CHRNA7: variants seen among roughly 807,000 people sequenced by gnomAD.
CHRNA7 encodes the protein neuronal acetylcholine receptor subunit alpha-7.
Under a neutral mutation model 48.0 loss-of-function variants are expected in CHRNA7, and 17 were observed. The observed-to-expected ratio is 0.35, with a 90% CI of 0.24 to 0.53. The LOEUF (loss-of-function observed/expected upper bound fraction) is 0.53. CHRNA7 is among the 20% of genes least tolerant of loss of function. The pLI is 0.92. For missense variants in CHRNA7, 155 were observed against 577.7 expected (o/e 0.27, Z 7.50); for synonymous variants, 75 against 242.3 (o/e 0.31, Z 6.41).
At chr15:32,067,289 A>G (rs1284348603) in intron 2 of CHRNA7, among the ~76,000 whole-genome samples, 1 of 152,256 alleles carries the variant, frequency 6.6e-6, no homozygotes, top group Non-Finnish European at 1.5e-5. Flanking sequence ...GAACCAACTC[A>G]TCACATGCAA....
chr15:32,035,505 C>T (rs572825888), intron 2 of CHRNA7, among the ~76,000 whole-genome samples: 78 of 152,210 alleles, frequency 5.1e-4, no homozygotes, highest in African/African-American at 1.8e-3. Flanking sequence ...GTCACAAGAC[C>T]GTAGAACTAA....
intron 4 of CHRNA7, among the ~76,000 whole-genome samples, chr15:32,114,238 A>C (rs912372839): frequency 3.6e-4 from 55 of 151,712 alleles, no homozygotes; most frequent in African/African-American, 1.3e-3. Context: ...TATATGGCCT[A>C]TGTGTAGGAT....
chr15:32,075,062 A>G (rs2050116661), intron 2 of CHRNA7, among the ~76,000 whole-genome samples: 1 of 152,226 alleles, frequency 6.6e-6, no homozygotes, highest in Non-Finnish European at 1.5e-5. Flanking sequence ...AAATCCCTGG[A>G]ATAAACCCTG....
chr15:32,114,119 T>C (rs12899087), intron 4 of CHRNA7, among the ~76,000 whole-genome samples: 1 of 140,460 alleles, frequency 7.1e-6, no homozygotes, highest in Non-Finnish European at 1.5e-5. Context: ...CACACATACA[T>C]ACATATACAT....
chr15:32,050,929 TG>T (rs2141187434), intron 2 of CHRNA7, among the ~76,000 whole-genome samples: 1 of 152,338 alleles, frequency 6.6e-6, no homozygotes, highest in African/African-American at 2.4e-5. Context: ...CCTGTTTGCC[TG>T]GGTATCAGCA....
At chr15:32,075,606 G>A (rs994686079) in intron 2 of CHRNA7, among the ~76,000 whole-genome samples, 6 of 151,632 alleles carry the variant, frequency 4.0e-5, no homozygotes, top group African/African-American at 9.7e-5. Context: ...TATTAGTCTC[G>A]CTAAAGGTTT....
intron 4 of CHRNA7, among the ~76,000 whole-genome samples, chr15:32,127,688 A>G (rs2051092167): frequency 6.6e-6 from 1 of 152,094 alleles, no homozygotes; most frequent in South Asian, 2.1e-4. Flanking sequence ...CTTGAGATTT[A>G]AGAGTTCTTT....
intron 4 of CHRNA7, among the ~76,000 whole-genome samples, chr15:32,148,479 G>A (rs2051539996): frequency 6.6e-6 from 1 of 152,226 alleles, no homozygotes; most frequent in African/African-American, 2.4e-5. Flanking sequence ...GCAAGGCTGA[G>A]CCTAGGATCA....
At chr15:32,110,917 T>C (rs2050752409) in intron 3 of CHRNA7, among the ~76,000 whole-genome samples, 2 of 152,110 alleles carry the variant, frequency 1.3e-5, no homozygotes, top group Admixed American at 6.5e-5. Flanking sequence ...GCATGGGTGG[T>C]ACCAGGGGGA....
intron 4 of CHRNA7, among the ~76,000 whole-genome samples, chr15:32,118,080 C>T (rs1262245631): frequency 6.6e-6 from 1 of 152,106 alleles, no homozygotes; most frequent in African/African-American, 2.4e-5. Context: ...TTAATCTATT[C>T]ATGGATTAAT....
At chr15:32,069,536 CCT>C (rs1451398209) in intron 2 of CHRNA7, among the ~76,000 whole-genome samples, 1 of 151,692 alleles carries the variant, frequency 6.6e-6, no homozygotes, top group Admixed American at 6.6e-5. Flanking sequence ...AGTCCCAACT[CCT>C]CAGGAGGCTG....
chr15:32,037,816 ATTTTGGG>A (rs903653925), intron 2 of CHRNA7, among the ~76,000 whole-genome samples: 3 of 151,488 alleles, frequency 2.0e-5, no homozygotes, highest in African/African-American at 7.3e-5. Flanking sequence ...TTGGTCAGTT[ATTTTGGG>A]TTTTCTACAT....
At chr15:32,116,232 T>C (rs892967772) in intron 4 of CHRNA7, among the ~76,000 whole-genome samples, 3 of 152,236 alleles carry the variant, frequency 2.0e-5, no homozygotes, top group African/African-American at 7.2e-5. Context: ...ATGTCTGTCC[T>C]ATTTCTCACT....
intron 2 of CHRNA7, among the ~76,000 whole-genome samples, chr15:32,073,128 A>G (rs1241730835): frequency 6.6e-6 from 1 of 152,226 alleles, no homozygotes; most frequent in Non-Finnish European, 1.5e-5. Flanking sequence ...CAGAGAGGGC[A>G]CACTCTCCAA....
intron 2 of CHRNA7, among the ~76,000 whole-genome samples, chr15:32,042,322 A>G (rs2049464113): frequency 6.6e-6 from 1 of 152,148 alleles, no homozygotes; most frequent in African/African-American, 2.4e-5. Context: ...TGTGTCAGGT[A>G]AGCTCTCATA....
At chr15:32,059,726 G>C (rs1179642493) in intron 2 of CHRNA7, among the ~76,000 whole-genome samples, 1 of 151,900 alleles carries the variant, frequency 6.6e-6, no homozygotes, top group Non-Finnish European at 1.5e-5. Context: ...ATAGAGAAAT[G>C]ATTTTTTTTT....
At chr15:32,141,934 T>A (rs922872429) in intron 4 of CHRNA7, among the ~76,000 whole-genome samples, 1 of 152,168 alleles carries the variant, frequency 6.6e-6, no homozygotes, top group African/African-American at 2.4e-5. Context: ...CCTGATTGCC[T>A]TGGCCAGAAC....
chr15:32,103,517 A>G (rs913325527), intron 3 of CHRNA7, among the ~76,000 whole-genome samples: 4 of 106,242 alleles, frequency 3.8e-5, no homozygotes, highest in Non-Finnish European at 6.1e-5. Flanking sequence ...AGAACCTAAC[A>G]TTAGTCAGGT....
chr15:32,053,054 T>C (rs1041020292), intron 2 of CHRNA7, among the ~76,000 whole-genome samples: 3 of 152,158 alleles, frequency 2.0e-5, no homozygotes, highest in Admixed American at 2.0e-4. Flanking sequence ...TTGATACCAA[T>C]TTATTATGGT....
Sources: allele counts gnomAD v4.1 joint callset (sites outside exome capture counted in the v4.1 genomes callset), GRCh38; gene constraint gnomAD v4.1.1; transcripts MANE v1.5; gene names NCBI Gene and HGNC (gene_info 2026-07-23, HGNC 2026-07-21).